Variants in PRRG4 observed in about 807,000 individuals in gnomAD.
PRRG4 encodes transmembrane gamma-carboxyglutamic acid protein 4.
A neutral mutation model predicts 20.0 loss-of-function variants in PRRG4; 12 were observed. The ratio of observed to expected loss-of-function variants is 0.60; its 90% CI spans 0.38 to 0.97. The LOEUF is 0.97. PRRG4 is among the 50% of genes least tolerant of loss of function. The pLI is 0.00. For missense variants in PRRG4, 199 were observed against 265.1 expected (o/e 0.75, Z 1.73); for synonymous variants, 94 against 96.4 (o/e 0.98, Z 0.15).
chr11:32,839,390 T>A (rs1469481011), intron 4 of PRRG4, among the ~76,000 whole-genome samples: 1 of 152,062 alleles, frequency 6.6e-6, no homozygotes, highest in Non-Finnish European at 1.5e-5. Flanking sequence ...TTTAGTCAGG[T>A]GTTTTTTTCG....
At chr11:32,848,963 C>A (rs1477320974) in intron 5 of PRRG4, among the ~76,000 whole-genome samples, 1 of 91,008 alleles carries the variant, frequency 1.1e-5, no homozygotes, top group African/African-American at 4.9e-5. Context: ...CATAGTGAGA[C>A]TCTGTCTTAA....
In PRRG4 at chr11:32,853,965, G is replaced by A. The variant is rs942437101; in HGVS notation, c.*438G>A. On this transcript the variant is annotated 3_prime_UTR_variant, in exon 6 of 6. Transcript: ENST00000257836. ...AAGACATGACTATCCAACTTTTTAT[G>A]ACAAACTGCAAGGAATAAAGGAAGA... is the stretch of plus-strand genomic sequence containing the variant. 5.7e-6 allele frequency: 1 copy of A among 175,370 alleles called. No individual in the cohort carries two copies. The highest frequency in any genetic ancestry group is 2.4e-5 in the African/African-American group (1 of 41,732). 10.9% of individuals were successfully genotyped at this position (175,370 alleles called of 1,614,324 possible).
rs1319897115 is a variant in PRRG4, at chr11:32,843,530, GA to G, written c.449+3294del. Among the ~76,000 whole-genome samples, 10 of 151,910 alleles carry G rather than the reference GA, an allele frequency of 6.6e-5. No individual in the cohort carries two copies. In the East Asian group the frequency reaches 2.0e-3, roughly 30 times the overall value. On this transcript the variant is annotated intron_variant, in intron 5 of 5. Transcript: ENST00000257836. ...AATAACATATTTTATGTTTTCAAAA[GA>G]AATGTTCGTTACATGTCCTCCTCTG...
chr11:32,834,262 A>G (rs1851000285), intron 2 of PRRG4, among the ~76,000 whole-genome samples: 3 of 152,196 alleles, frequency 2.0e-5, no homozygotes, highest in Admixed American at 6.5e-5. Flanking sequence ...CAGATGGTAG[A>G]GCAGCAAGGA....
At chr11:32,849,523 G>A (rs11032021) in intron 5 of PRRG4, among the ~76,000 whole-genome samples, 21,529 of 151,844 alleles carry the variant, frequency 0.14, 1,623 homozygotes, top group South Asian at 0.22. Flanking sequence ...AATTAGCCAG[G>A]CGTGGTGGTG....
In PRRG4 at chr11:32,857,839, T is replaced by C. The variant is rs1565120274; in HGVS notation, c.*4312T>C. On this transcript the variant is annotated 3_prime_UTR_variant, in exon 6 of 6. Transcript: ENST00000257836. ...TTGATTCTTTTGTAGATTCTGCCTG[T>C]GTGGTCATTTTAAAACATGTGTGAC... 6.6e-6 allele frequency: 1 copy of C among 152,224 alleles called. No homozygotes were observed. Among genetic ancestry groups the C allele is most frequent in the Non-Finnish European group, 1.5e-5 (1 of 68,018 alleles). 9.4% of individuals were successfully genotyped at this position (152,224 alleles called of 1,614,324 possible).
Position 32,847,222 on chromosome 11 carries a change from G to A in PRRG4, c.450-6074G>A, listed in dbSNP as rs75894783. Among the ~76,000 whole-genome samples the A allele has an allele frequency of 5.2e-3, 785 of 152,060 alleles. 8 individuals are homozygous for A. Among genetic ancestry groups the A allele is most frequent in the African/African-American group, 0.018 (754 of 41,468 alleles). On this transcript the variant is annotated intron_variant, in intron 5 of 5. Transcript: ENST00000257836. ...TGGCAAATTACAGGTGTGAGCCACT[G>A]CACCCGGCCAAAATAGTTTATATTT...
chr11:32,854,055 A>C lies in PRRG4; in HGVS notation c.*528A>C. 6.5e-6 allele frequency: 1 copy of C among 153,830 alleles called. No individual in the cohort carries two copies. Among genetic ancestry groups the C allele is most frequent in the South Asian group, 2.0e-4 (1 of 4,942 alleles). 9.5% of individuals were successfully genotyped at this position (153,830 alleles called of 1,614,324 possible). A position where few individuals can be genotyped will look rare whatever the true frequency, so the allele number is the denominator to read the frequency against. On this transcript the variant is annotated 3_prime_UTR_variant, in exon 6 of 6. Transcript: ENST00000257836. ...CTTGGACCTGAACTTGATCATTATC[A>C]GCTTGATAAGAGACTTTTTGACTCT...
At chr11:32,846,656 T>C (rs1016580108) in intron 5 of PRRG4, among the ~76,000 whole-genome samples, 1 of 144,150 alleles carries the variant, frequency 6.9e-6, no homozygotes, top group East Asian at 1.9e-4. Flanking sequence ...GGTAATGAGT[T>C]TGAACCTGTC....
At chr11:32,839,555 T>C (rs1476138223) in intron 4 of PRRG4, among the ~76,000 whole-genome samples, 1 of 151,288 alleles carries the variant, frequency 6.6e-6, no homozygotes, top group Non-Finnish European at 1.5e-5. Flanking sequence ...TAATGCTGAA[T>C]ATTATCCATT....
intron 3 of PRRG4, among the ~76,000 whole-genome samples, chr11:32,837,857 C>G (rs1282211567): frequency 6.6e-6 from 1 of 151,950 alleles, no homozygotes; most frequent in African/African-American, 2.4e-5. Context: ...CATGCCTGGC[C>G]CTAAATTCTT....
intron 2 of PRRG4, among the ~76,000 whole-genome samples, chr11:32,831,944 G>A (rs981628556): frequency 2.0e-5 from 3 of 151,940 alleles, no homozygotes; most frequent in African/African-American, 7.3e-5. Flanking sequence ...AGCTGAGATC[G>A]TGCCACTGCA....
At chr11:32,834,978 T>C (rs1851007922) in intron 2 of PRRG4, among the ~76,000 whole-genome samples, 2 of 152,142 alleles carry the variant, frequency 1.3e-5, no homozygotes, top group African/African-American at 4.8e-5. Flanking sequence ...CACACCGGGC[T>C]AATTTTTGTA....
chr11:32,844,190 G>C (rs903995564), intron 5 of PRRG4, among the ~76,000 whole-genome samples: 1 of 152,090 alleles, frequency 6.6e-6, no homozygotes, highest in Non-Finnish European at 1.5e-5. Context: ...CTAGCCGTTT[G>C]ACTTTGGAAA....
At position 32,853,670 on chromosome 11, in the gene PRRG4, A is replaced by G; in HGVS notation, c.*143A>G. 1.6e-6 allele frequency: 1 copy of G among 624,114 alleles called. No homozygotes were observed. The highest frequency in any genetic ancestry group is 2.8e-6 in the Non-Finnish European group (1 of 362,770). 38.7% of individuals were successfully genotyped at this position (624,114 alleles called of 1,614,324 possible). On this transcript the variant is annotated 3_prime_UTR_variant, in exon 6 of 6. Coordinates refer to ENST00000257836, the MANE Select transcript of PRRG4 (RefSeq NM_024081.6). ...TGGTGAAACCCGGTCTCTACTAAAA[A>G]TTCAAAAATTACCTAGGCGTCATGG... is the stretch of plus-strand genomic sequence containing the variant.
At chr11:32,837,526 GATGATGATGATGATGATTATTATTATT>G (rs925156978) in intron 3 of PRRG4, among the ~76,000 whole-genome samples, 1 of 111,578 alleles carries the variant, frequency 9.0e-6, no homozygotes, top group African/African-American at 3.6e-5. Context: ...TGATGATGAT[GATGATGATGATGATGATTATTATTATT>G]ATTATTATTA....
intron 5 of PRRG4, among the ~76,000 whole-genome samples, chr11:32,842,177 A>C (rs527457652): frequency 5.9e-5 from 9 of 152,302 alleles, no homozygotes; most frequent in Admixed American, 3.3e-4. Flanking sequence ...ATAGAATGAC[A>C]TGTATAGGAA....
chr11:32,847,025 A>AATGTTGGAACAAT (rs1052723065), intron 5 of PRRG4, among the ~76,000 whole-genome samples: 2 of 151,722 alleles, frequency 1.3e-5, no homozygotes, highest in African/African-American at 4.8e-5. Flanking sequence ...AGAACTTGGG[A>AATGTTGGAACAAT]ATGTTGGAAC....
At chr11:32,843,980 TTGA>T (rs1825509632) in intron 5 of PRRG4, among the ~76,000 whole-genome samples, 1 of 152,204 alleles carries the variant, frequency 6.6e-6, no homozygotes, top group Non-Finnish European at 1.5e-5. Context: ...TCATTTATGT[TTGA>T]TGAAGTTTTT....
Sources: allele counts gnomAD v4.1 joint callset (sites outside exome capture counted in the v4.1 genomes callset), GRCh38; gene constraint gnomAD v4.1.1; transcripts MANE v1.5; gene names NCBI Gene and HGNC (gene_info 2026-07-23, HGNC 2026-07-21).